Variants in TNRC6B observed in about 807,000 individuals in gnomAD.
TNRC6B encodes trinucleotide repeat containing adaptor 6B.
A neutral mutation model predicts 203.6 loss-of-function variants in TNRC6B; 52 were observed. The observed-to-expected ratio is 0.26, with a 90% CI of 0.20 to 0.32. The LOEUF (loss-of-function observed/expected upper bound fraction) is 0.32. Ranked by LOEUF, TNRC6B falls within the 10% of genes least tolerant of loss-of-function variation. The pLI is 1.00. For synonymous variants in TNRC6B, 838 were observed against 845.7 expected (o/e 0.99, Z 0.16); for missense variants, 1,923 against 2,286.2 (o/e 0.84, Z 3.24).
chr22:40,279,760 C>G (rs1419829921), intron 9 of TNRC6B, among the ~76,000 whole-genome samples: 1 of 152,138 alleles, frequency 6.6e-6, no homozygotes, highest in Admixed American at 6.5e-5. Context: ...ACAACAGATA[C>G]ATGTTTTGTT....
intron 9 of TNRC6B, among the ~76,000 whole-genome samples, chr22:40,279,114 T>A (rs888546026): frequency 2.6e-5 from 4 of 152,212 alleles, no homozygotes; most frequent in Non-Finnish European, 5.9e-5. Flanking sequence ...GTGTGCCAGA[T>A]GTGGCCCTCA....
At chr22:40,212,945 G>A (rs759554845) in intron 1 of TNRC6B, among the ~76,000 whole-genome samples, 8 of 152,208 alleles carry the variant, frequency 5.3e-5, no homozygotes, top group Non-Finnish European at 7.4e-5. Context: ...CCACCGCCGC[G>A]CCTGGCCCTA....
chr22:40,306,777 G>A (rs1377702755), intron 15 of TNRC6B, among the ~76,000 whole-genome samples: 1 of 152,186 alleles, frequency 6.6e-6, no homozygotes, highest in Non-Finnish European at 1.5e-5. Context: ...CCTGAGCTCA[G>A]GAGTTCTAGA....
intron 21 of TNRC6B, among the ~76,000 whole-genome samples, chr22:40,317,366 T>C (rs931927417): frequency 2.6e-5 from 4 of 152,070 alleles, no homozygotes; most frequent in African/African-American, 9.7e-5. Context: ...GATCACGAGG[T>C]CAAGAGGTCG....
intron 1 of TNRC6B, among the ~76,000 whole-genome samples, chr22:40,196,735 A>C (rs1601875564): frequency 6.6e-6 from 1 of 152,016 alleles, no homozygotes; most frequent in African/African-American, 2.4e-5. Context: ...GCTCGCAGTT[A>C]TGACCTGTAC....
chr22:40,325,637 A>G lies in TNRC6B; in HGVS notation c.*2396A>G, dbSNP rs372470680. The G allele has an allele frequency of 6.6e-6, 1 of 152,456 alleles. No individual in the cohort carries two copies. The highest frequency in any genetic ancestry group is 1.5e-5 in the Non-Finnish European group (1 of 68,034). 9.4% of individuals were successfully genotyped at this position (152,456 alleles called of 1,614,324 possible). ...AAAAGCTCTGCTTCCAGCAGCCCCC[A>G]CTGACCGCTCTCTGTGTGGAGCAAA... On this transcript the variant is annotated 3_prime_UTR_variant, in exon 23 of 23. Coordinates refer to ENST00000454349, the MANE Select transcript of TNRC6B (RefSeq NM_001162501.2).
chr22:40,059,815 G>GT (rs764365612), intron 1 of TNRC6B, among the ~76,000 whole-genome samples: 4,903 of 126,016 alleles, frequency 0.039, 51 homozygotes, highest in African/African-American at 0.056. Flanking sequence ...ATAGAGTTTG[G>GT]TTTTTTTTTT....
intron 19 of TNRC6B, among the ~76,000 whole-genome samples, chr22:40,313,582 A>G (rs2071216759): frequency 6.6e-6 from 1 of 152,246 alleles, no homozygotes; most frequent in Non-Finnish European, 1.5e-5. Flanking sequence ...ATTGGTAGAC[A>G]TATTAGTAAT....
intron 1 of TNRC6B, among the ~76,000 whole-genome samples, chr22:40,179,400 CTT>C (rs2069105454): frequency 6.6e-6 from 1 of 151,948 alleles, no homozygotes; most frequent in Admixed American, 6.6e-5. Flanking sequence ...GCCTTGTTTT[CTT>C]TTCTCTTTTT....
intron 1 of TNRC6B, among the ~76,000 whole-genome samples, chr22:40,205,397 T>C (rs2069465826): frequency 6.6e-6 from 1 of 152,214 alleles, no homozygotes; most frequent in South Asian, 2.1e-4. Flanking sequence ...ATTCTAGATA[T>C]GCTGATTCTG....
At chr22:40,159,531 C>T (rs947207691) in intron 4 of TNRC6B, among the ~76,000 whole-genome samples, 23 of 150,904 alleles carry the variant, frequency 1.5e-4, no homozygotes, top group African/African-American at 5.4e-4. Flanking sequence ...CCCAGCAACT[C>T]GGGAGGCTGA....
intron 1 of TNRC6B, among the ~76,000 whole-genome samples, chr22:40,243,774 G>A (rs762480262): frequency 2.0e-5 from 3 of 151,962 alleles, no homozygotes; most frequent in Non-Finnish European, 2.9e-5. Context: ...TAGTAGAGAT[G>A]GGGTTTCACC....
intron 1 of TNRC6B, among the ~76,000 whole-genome samples, chr22:40,049,132 A>C (rs1337785694): frequency 6.6e-6 from 1 of 152,056 alleles, no homozygotes; most frequent in Non-Finnish European, 1.5e-5. Context: ...CTGTAATCCC[A>C]GCACTTTGGG....
chr22:40,298,638 C>T (rs1240269700), intron 12 of TNRC6B, among the ~76,000 whole-genome samples: 1 of 152,222 alleles, frequency 6.6e-6, no homozygotes, highest in Non-Finnish European at 1.5e-5. Context: ...GTCAGAAAGG[C>T]TAAATGAGTA....
Position 40,266,407 on chromosome 22 carries a change from C to A in TNRC6B, c.2177C>A (p.Pro726His). 1 of 1,613,734 alleles carries A rather than the reference C, an allele frequency of 6.2e-7. No individual in the cohort carries two copies. The highest frequency in any genetic ancestry group is 8.5e-7 in the Non-Finnish European group (1 of 1,179,830). The change falls in exon 5 of 23, where the codon CCC becomes CAC. Residue 726 changes from proline to histidine, a missense_variant. By Grantham distance (77) the Pro-to-His change is moderately conservative. Transcript: ENST00000454349. ...EKTPSSWNEN[P>H]SKDQGWGGGR... ...ACACCTTCCTCTTGGAATGAGAATC[C>A]CAGCAAGGATCAGGGGTGGGGAGGT...
chr22:40,062,746 A>C (rs967730913), intron 1 of TNRC6B, among the ~76,000 whole-genome samples: 1 of 152,084 alleles, frequency 6.6e-6, no homozygotes, highest in Non-Finnish European at 1.5e-5. Context: ...CTTATTGGCT[A>C]TTTGTATATT....
intron 3 of TNRC6B, among the ~76,000 whole-genome samples, chr22:40,259,595 C>G (rs1395757884): frequency 6.6e-6 from 1 of 152,194 alleles, no homozygotes; most frequent in African/African-American, 2.4e-5. Flanking sequence ...TCCACTCCCC[C>G]TCCCCTTACT....
intron 11 of TNRC6B, 80 bp from the exon 12 acceptor site, chr22:40,285,565 G>A: frequency 6.7e-7 from 1 of 1,498,588 alleles, no homozygotes; most frequent in Admixed American, 2.2e-5. Flanking sequence ...TCTTCTGAGG[G>A]ATCTAAAAGA....
Position 40,251,214 on chromosome 22 carries a change from T to C in TNRC6B, c.115+14T>C, listed in dbSNP as rs534888422. The C allele has an allele frequency of 9.8e-6, 15 of 1,525,786 alleles. No homozygotes were observed. The highest frequency in any genetic ancestry group is 6.1e-5 in the Admixed American group (3 of 49,198). 94.5% of individuals were successfully genotyped at this position (1,525,786 alleles called of 1,614,324 possible). A position where few individuals can be genotyped will look rare whatever the true frequency, so the allele number is the denominator to read the frequency against. The stretch of plus-strand genomic sequence containing the variant: ...AAAAAACCAAAGGTAAGATCTTTTT[T>C]TTCTTTTTAAATTATTTAGAACCTT... On this transcript the variant is annotated intron_variant, in intron 3 of 22. Coordinates refer to ENST00000454349, the MANE Select transcript of TNRC6B (RefSeq NM_001162501.2).
Sources: allele counts gnomAD v4.1 joint callset (sites outside exome capture counted in the v4.1 genomes callset), GRCh38; gene constraint gnomAD v4.1.1; transcripts MANE v1.5; gene names NCBI Gene and HGNC (gene_info 2026-07-23, HGNC 2026-07-21).